Variants in SAMD5 observed in about 807,000 individuals in gnomAD.
SAMD5 encodes sterile alpha motif domain containing 5.
A neutral mutation model predicts 11.3 loss-of-function variants in SAMD5; 13 were observed. The ratio of observed to expected loss-of-function variants is 1.15; its 90% CI spans 0.75 to 1.83. SAMD5 has a LOEUF of 1.83. Ranked by LOEUF, SAMD5 falls within the 40% of genes most tolerant of loss-of-function variation. SAMD5 has a pLI of 0.00. For missense variants in SAMD5, 255 were observed against 239.1 expected (o/e 1.07, Z -0.44); for synonymous variants, 129 against 111.3 (o/e 1.16, Z -1.00).
At chr6:147,642,138 A>C (rs961100074) in intron 1 of SAMD5, among the ~76,000 whole-genome samples, 1 of 152,274 alleles carries the variant, frequency 6.6e-6, no homozygotes. Flanking sequence ...CTTTGTAAGA[A>C]AATAATGAGC....
intron 1 of SAMD5, among the ~76,000 whole-genome samples, chr6:147,626,048 G>T (rs1790046632): frequency 6.6e-6 from 1 of 152,102 alleles, no homozygotes; most frequent in Non-Finnish European, 1.5e-5. Flanking sequence ...GGGGCAGGGA[G>T]TTGAGGGAGG....
chr6:147,633,858 T>G (rs1790186868), intron 1 of SAMD5, among the ~76,000 whole-genome samples: 1 of 152,152 alleles, frequency 6.6e-6, no homozygotes, highest in Non-Finnish European at 1.5e-5. Context: ...TCACCTGTTT[T>G]AAAGTATGTA....
the SAMD5 span, among the ~76,000 whole-genome samples, chr6:147,922,416 T>C: frequency 6.6e-6 from 1 of 152,204 alleles, no homozygotes; most frequent in African/African-American, 2.4e-5. Flanking sequence ...AAAAATACAG[T>C]TCCGGGTGTA....
chr6:147,829,711 G>A, the SAMD5 span, among the ~76,000 whole-genome samples: 1 of 152,088 alleles, frequency 6.6e-6, no homozygotes, highest in Non-Finnish European at 1.5e-5. Context: ...TTCTCCAGGT[G>A]GATGGACATG....
intron 1 of SAMD5, among the ~76,000 whole-genome samples, chr6:147,718,982 C>T (rs572540513): frequency 6.6e-6 from 1 of 152,302 alleles, no homozygotes; most frequent in South Asian, 2.1e-4. Context: ...TGAGCCACCG[C>T]GCCCGGCCGA....
At chr6:147,685,949 C>A (rs112624582) in intron 1 of SAMD5, among the ~76,000 whole-genome samples, 1 of 152,126 alleles carries the variant, frequency 6.6e-6, no homozygotes, top group Non-Finnish European at 1.5e-5. Flanking sequence ...GGAAAAGATA[C>A]CAGCAAAGTT....
intron 1 of SAMD5, among the ~76,000 whole-genome samples, chr6:147,661,632 A>G (rs182149804): frequency 1.3e-5 from 2 of 151,344 alleles, no homozygotes; most frequent in Admixed American, 1.3e-4. Flanking sequence ...TTGTTTGTTT[A>G]TTTATTTATT....
intron 1 of SAMD5, among the ~76,000 whole-genome samples, chr6:147,543,040 TC>T (rs148534329): frequency 0.023 from 3,451 of 152,170 alleles, 131 homozygotes; most frequent in African/African-American, 0.078. Context: ...GGTCACCAGC[TC>T]CCCTGGGCAG....
the SAMD5 span, among the ~76,000 whole-genome samples, chr6:147,874,807 T>G: frequency 6.6e-6 from 1 of 152,060 alleles, no homozygotes; most frequent in Non-Finnish European, 1.5e-5. Flanking sequence ...AGCATTGGTT[T>G]TACTTTAATT....
At chr6:147,712,033 T>G (rs1791407990) in intron 1 of SAMD5, among the ~76,000 whole-genome samples, 1 of 152,200 alleles carries the variant, frequency 6.6e-6, no homozygotes, top group Admixed American at 6.5e-5. Flanking sequence ...TTGAAGAAAA[T>G]GTCTCTCGTC....
At chr6:147,687,671 C>T (rs1296299168) in intron 1 of SAMD5, among the ~76,000 whole-genome samples, 1 of 152,146 alleles carries the variant, frequency 6.6e-6, no homozygotes, top group African/African-American at 2.4e-5. Context: ...TTTATTTTCT[C>T]TTCATTTATA....
At chr6:147,652,074 T>C (rs1220576262) in intron 1 of SAMD5, among the ~76,000 whole-genome samples, 1 of 152,218 alleles carries the variant, frequency 6.6e-6, no homozygotes, top group South Asian at 2.1e-4. Flanking sequence ...CGTATCTTAA[T>C]TGGTCAAAAT....
At chr6:147,609,588 C>T (rs1349808289) in intron 1 of SAMD5, among the ~76,000 whole-genome samples, 1 of 152,108 alleles carries the variant, frequency 6.6e-6, no homozygotes, top group Non-Finnish European at 1.5e-5. Context: ...CTCACCCTGT[C>T]GCACAGGCTG....
the SAMD5 span, among the ~76,000 whole-genome samples, chr6:147,782,574 C>G: frequency 6.6e-6 from 1 of 152,196 alleles, no homozygotes; most frequent in Non-Finnish European, 1.5e-5. Context: ...TATTCTCCTG[C>G]AGTCAGCAGG....
At chr6:147,735,540 T>G (rs974763998) in intron 1 of SAMD5, among the ~76,000 whole-genome samples, 1 of 152,216 alleles carries the variant, frequency 6.6e-6, no homozygotes, top group Non-Finnish European at 1.5e-5. Context: ...GTGAGATTTC[T>G]GAATAGAAAC....
the SAMD5 span, among the ~76,000 whole-genome samples, chr6:147,895,970 A>G: frequency 5.3e-5 from 8 of 152,202 alleles, no homozygotes; most frequent in Non-Finnish European, 1.5e-5. Flanking sequence ...TTAAGCACTA[A>G]TATTTGATTA....
At chr6:147,778,176 C>T in the SAMD5 span, among the ~76,000 whole-genome samples, 26 of 152,128 alleles carry the variant, frequency 1.7e-4, no homozygotes, top group African/African-American at 6.0e-4. Context: ...GGGTTCTCGT[C>T]GTTAGTTCTA....
At chr6:147,545,089 G>A (rs148804173) in intron 1 of SAMD5, among the ~76,000 whole-genome samples, 29 of 152,198 alleles carry the variant, frequency 1.9e-4, no homozygotes, top group Admixed American at 8.5e-4. Flanking sequence ...TTGCTGTTGC[G>A]TTTGCATTAA....
At chr6:147,899,158 G>A in the SAMD5 span, among the ~76,000 whole-genome samples, 15 of 101,212 alleles carry the variant, frequency 1.5e-4, no homozygotes, top group African/African-American at 7.0e-4. Flanking sequence ...GTGACAGAGC[G>A]AGACTCTGTC....
Sources: allele counts gnomAD v4.1 joint callset (sites outside exome capture counted in the v4.1 genomes callset), GRCh38; gene constraint gnomAD v4.1.1; transcripts MANE v1.5; gene names NCBI Gene and HGNC (gene_info 2026-07-23, HGNC 2026-07-21).